LEPR: variants seen among roughly 807,000 people sequenced by gnomAD.
LEPR encodes the protein OB receptor.
LEPR carries 56 observed loss-of-function variants against 114.7 expected under a neutral mutation model. The observed-to-expected ratio is 0.49, with a 90% CI of 0.39 to 0.61. LEPR has a LOEUF of 0.61. Ranked by LOEUF, LEPR falls within the 20% of genes least tolerant of loss-of-function variation. LEPR has a pLI of 0.00. For missense variants in LEPR, 1,202 were observed against 1,352.9 expected, an observed-to-expected ratio of 0.89 and a Z score of 1.75; for synonymous variants, 443 against 461.4, an observed-to-expected ratio of 0.96 and a Z score of 0.51.
At chr1:65,452,185 C>T (rs1246408091) in intron 2 of LEPR, among the ~76,000 whole-genome samples, 1 of 152,186 alleles carries the variant, frequency 6.6e-6, no homozygotes. Flanking sequence ...TGGGCTGAGA[C>T]AATGGGGTTT....
chr1:65,491,576 T>C (rs1015339140), intron 2 of LEPR, among the ~76,000 whole-genome samples: 2 of 152,074 alleles, frequency 1.3e-5, no homozygotes, highest in African/African-American at 4.8e-5. Context: ...TAAGATTTTG[T>C]CTTTTAAGGG....
At chr1:65,553,069 T>G (rs1448956981) in intron 2 of LEPR, among the ~76,000 whole-genome samples, 2 of 152,228 alleles carry the variant, frequency 1.3e-5, no homozygotes, top group Non-Finnish European at 2.9e-5. Flanking sequence ...CTTGTAGAGT[T>G]TCTGCAGACA....
chr1:65,433,056 G>T, intron 2 of LEPR: 1 of 985,430 alleles, frequency 1.0e-6, no homozygotes, highest in Non-Finnish European at 1.2e-6. Flanking sequence ...GATGCGGGCA[G>T]GGAGGCTGGG....
chr1:65,452,323 G>C (rs1189749887), intron 2 of LEPR, among the ~76,000 whole-genome samples: 1 of 149,166 alleles, frequency 6.7e-6, no homozygotes, highest in African/African-American at 2.5e-5. Context: ...ATGTTGAATA[G>C]GAGTGGTGAG....
chr1:65,482,984 T>C lies in LEPR; in HGVS notation c.-21+57606T>C, dbSNP rs564630878. The stretch of plus-strand genomic sequence containing the variant: ...GCCTGGGTGACAGAGTGAGACTCTG[T>C]CTCAAAAAAAAAAAAAAAAAGTAAA... On this transcript the variant is annotated intron_variant, in intron 2 of 19. Coordinates refer to ENST00000349533, the MANE Select transcript of LEPR (RefSeq NM_002303.6). Among the ~76,000 whole-genome samples the C allele has an allele frequency of 5.6e-5, 8 of 142,746 alleles. No individual in the cohort carries two copies. The South Asian group carries it at 1.6e-3, about 28-fold the overall frequency. The allele number at this position is 142,746 out of a possible 152,430, so 93.6% of individuals were successfully genotyped here.
intron 2 of LEPR, among the ~76,000 whole-genome samples, chr1:65,449,224 G>A (rs75336190): frequency 0.039 from 5,885 of 150,020 alleles, 166 homozygotes; most frequent in South Asian, 0.1. Flanking sequence ...TGTTTTTCTT[G>A]GTTATCCTAG....
chr1:65,534,739 G>A (rs1650639676), intron 2 of LEPR, among the ~76,000 whole-genome samples: 2 of 152,146 alleles, frequency 1.3e-5, no homozygotes, highest in Non-Finnish European at 2.9e-5. Flanking sequence ...TATAAAGTTT[G>A]TGGGGACATA....
chr1:65,631,451 G>A (rs1261029566), intron 19 of LEPR, among the ~76,000 whole-genome samples: 1 of 152,012 alleles, frequency 6.6e-6, no homozygotes, highest in Non-Finnish European at 1.5e-5. Context: ...AGCTTTCTTT[G>A]CTCACCTTCT....
chr1:65,610,870 A>T (rs1472098798), intron 14 of LEPR, among the ~76,000 whole-genome samples: 2 of 152,240 alleles, frequency 1.3e-5, no homozygotes, highest in East Asian at 1.9e-4. Flanking sequence ...TGACTTGGGA[A>T]TACAACACAT....
At chr1:65,564,126 G>A (rs1430559656) in intron 2 of LEPR, among the ~76,000 whole-genome samples, 3 of 146,290 alleles carry the variant, frequency 2.1e-5, no homozygotes, top group Non-Finnish European at 3.1e-5. Flanking sequence ...TCAAGCCTGG[G>A]CAATGGTGGG....
Position 65,570,778 on chromosome 1 carries a change from A to C in LEPR, c.346A>C (p.Asn116His), listed in dbSNP as rs758311989. ...AGGAAAGACATTTGTTTCAACAGTA[A>C]ATTCTTTAGTTTTTCAACAAATAGG... ...IEGKTFVSTVNSLVFQQIDAN... is the reference protein window; with the variant it reads ...IEGKTFVSTVHSLVFQQIDAN... The change falls in exon 4 of 20, where the codon AAT (asparagine) becomes CAT (histidine). Residue 116 changes from asparagine (N) to histidine (H), a missense_variant. Transcript: ENST00000349533. 12 of 1,562,894 alleles carry C rather than the reference A, an allele frequency of 7.7e-6. No individual in the cohort carries two copies. In the African/African-American group the frequency reaches 1.6e-4, roughly 21 times the overall value.
At chr1:65,430,113 G>C in intron 2 of LEPR, 1 of 1,357,816 alleles carries the variant, frequency 7.4e-7, no homozygotes, top group South Asian at 1.7e-5. Context: ...CCTGTGTCTG[G>C]GACCTCCATT....
intron 2 of LEPR, among the ~76,000 whole-genome samples, chr1:65,535,663 T>C (rs1374604048): frequency 6.6e-6 from 1 of 151,794 alleles, no homozygotes; most frequent in African/African-American, 2.4e-5. Context: ...GAGAAAAGTT[T>C]TGTTGACACA....
chr1:65,615,950 C>T (rs1233133743), intron 14 of LEPR, 58 bp from the exon 15 acceptor site: 3 of 1,602,740 alleles, frequency 1.9e-6, no homozygotes, highest in East Asian at 4.5e-5. Flanking sequence ...TATGTGAGCT[C>T]AGTTAGTATA....
At chr1:65,451,904 C>T (rs1646790999) in intron 2 of LEPR, among the ~76,000 whole-genome samples, 1 of 151,710 alleles carries the variant, frequency 6.6e-6, no homozygotes, top group Non-Finnish European at 1.5e-5. Context: ...TTCTTCCTAC[C>T]CATGAGCATG....
chr1:65,491,969 T>G (rs1260615672), intron 2 of LEPR, among the ~76,000 whole-genome samples: 1 of 152,136 alleles, frequency 6.6e-6, no homozygotes, highest in African/African-American at 2.4e-5. Context: ...CTTAGAATCC[T>G]TTTAGAATTT....
At chr1:65,425,184 T>G (rs2101679993) in intron 1 of LEPR, 119 bp from the exon 2 acceptor site, 1 of 762,816 alleles carries the variant, frequency 1.3e-6, no homozygotes, top group Admixed American at 2.8e-5. Flanking sequence ...TCCAGAAAAT[T>G]TACTCATCCG....
intron 5 of LEPR, among the ~76,000 whole-genome samples, chr1:65,592,185 A>C (rs554705942): frequency 1.3e-5 from 2 of 151,894 alleles, no homozygotes; most frequent in African/African-American, 4.8e-5. Flanking sequence ...AACAATCAAT[A>C]AATATTTATC....
At chr1:65,450,721 A>G (rs1325104228) in intron 2 of LEPR, among the ~76,000 whole-genome samples, 33 of 144,452 alleles carry the variant, frequency 2.3e-4, no homozygotes, top group Non-Finnish European at 4.4e-4. Flanking sequence ...ATTGTGAATA[A>G]TGCCGCAATA....
Sources: gnomAD v4.1 joint callset for allele counts (sites outside exome capture counted in the v4.1 genomes callset) on GRCh38, gnomAD v4.1.1 for gene constraint, MANE v1.5 for transcripts, NCBI Gene and HGNC (gene_info 2026-07-23, HGNC 2026-07-21) for gene names.